LONP2: variants seen among roughly 807,000 people sequenced by gnomAD.
The protein encoded by LONP2 is lon peptidase 2, peroxisomal.
Under a neutral mutation model 85.6 loss-of-function variants are expected in LONP2, and 60 were observed. The observed-to-expected ratio is 0.70, with a 90% CI of 0.57 to 0.87. LONP2 has a LOEUF of 0.87. LONP2 is among the 40% of genes least tolerant of loss of function. The pLI is 0.00. For missense variants in LONP2, 860 were observed against 1,063.5 expected, an observed-to-expected ratio of 0.81 and a Z score of 2.66; for synonymous variants, 395 against 389.7, an observed-to-expected ratio of 1.01 and a Z score of -0.16.
chr16:48,271,324 G>C (rs562651754), intron 7 of LONP2, among the ~76,000 whole-genome samples: 1 of 152,150 alleles, frequency 6.6e-6, no homozygotes, highest in Admixed American at 6.5e-5. Flanking sequence ...TTTACATTTC[G>C]TGGTTTAAGG....
intron 2 of LONP2, among the ~76,000 whole-genome samples, chr16:48,253,497 T>C (rs758445982): frequency 1.3e-5 from 2 of 152,000 alleles, no homozygotes; most frequent in Non-Finnish European, 2.9e-5. Context: ...AATAGAAAAT[T>C]TGAATCTGTA....
At chr16:48,281,890 A>G (rs1180372983) in intron 8 of LONP2, among the ~76,000 whole-genome samples, 1 of 152,244 alleles carries the variant, frequency 6.6e-6, no homozygotes, top group Non-Finnish European at 1.5e-5. Context: ...AAAGAATGTC[A>G]GAAGAGAGGG....
intron 5 of LONP2, 53 bp from the exon 6 acceptor site, chr16:48,262,725 A>G (rs1373805741): frequency 1.7e-6 from 2 of 1,151,894 alleles, no homozygotes; most frequent in Non-Finnish European, 2.5e-6. Context: ...TTTTTCTGTT[A>G]TGGAATTTTT....
intron 11 of LONP2, among the ~76,000 whole-genome samples, chr16:48,315,380 A>G (rs1973120132): frequency 6.6e-6 from 1 of 152,180 alleles, no homozygotes; most frequent in South Asian, 2.1e-4. Context: ...ATGAGCAGAA[A>G]TGTATTGGTT....
chr16:48,339,286 C>T (rs920166890), intron 12 of LONP2, among the ~76,000 whole-genome samples: 4 of 152,064 alleles, frequency 2.6e-5, no homozygotes, highest in African/African-American at 9.7e-5. Flanking sequence ...AAAGAGGGGA[C>T]ATCAAAATGT....
downstream of LONP2, chr16:48,361,528 T>A: frequency 6.3e-7 from 1 of 1,586,258 alleles, no homozygotes; most frequent in South Asian, 1.1e-5. Context: ...GTGCCTTATT[T>A]TCTGTGAAAC....
chr16:48,276,809 TAAAAG>T (rs1273207596), intron 7 of LONP2, among the ~76,000 whole-genome samples: 3 of 152,186 alleles, frequency 2.0e-5, no homozygotes, highest in Admixed American at 6.5e-5. Context: ...CCTCTGAAAA[TAAAAG>T]AGATTGGAGT....
intron 8 of LONP2, among the ~76,000 whole-genome samples, chr16:48,286,387 C>T (rs939770832): frequency 5.3e-5 from 8 of 152,104 alleles, no homozygotes; most frequent in South Asian, 2.1e-4. Flanking sequence ...GTGATCTGCC[C>T]GCCTTGGCCT....
chr16:48,311,939 T>G (rs994858085), intron 11 of LONP2, among the ~76,000 whole-genome samples: 2 of 151,370 alleles, frequency 1.3e-5, no homozygotes, highest in African/African-American at 2.4e-5. Flanking sequence ...CCTGACAGCT[T>G]CTTCTTTTTT....
chr16:48,318,391 C>T (rs1205927565), intron 11 of LONP2, among the ~76,000 whole-genome samples: 3 of 152,030 alleles, frequency 2.0e-5, no homozygotes, highest in Non-Finnish European at 2.9e-5. Flanking sequence ...TGGTGGCACA[C>T]ACCTGTAGTC....
intron 7 of LONP2, among the ~76,000 whole-genome samples, chr16:48,275,674 G>A (rs1596935360): frequency 6.6e-6 from 1 of 152,082 alleles, no homozygotes; most frequent in South Asian, 2.1e-4. Flanking sequence ...ATTTTTAAGG[G>A]GCGTAATAGT....
At chr16:48,338,592 A>G (rs1807827773) in intron 12 of LONP2, among the ~76,000 whole-genome samples, 1 of 151,980 alleles carries the variant, frequency 6.6e-6, no homozygotes, top group Admixed American at 6.6e-5. Context: ...GAAAACTGAG[A>G]GCTCTTTTGA....
At chr16:48,331,767 T>C (rs1959462829) in intron 11 of LONP2, among the ~76,000 whole-genome samples, 1 of 152,176 alleles carries the variant, frequency 6.6e-6, no homozygotes, top group Non-Finnish European at 1.5e-5. Flanking sequence ...GGTTTCACTG[T>C]GTTAGCCAGG....
intron 1 of LONP2, among the ~76,000 whole-genome samples, chr16:48,247,155 A>G (rs182901403): frequency 2.4e-3 from 362 of 152,086 alleles, no homozygotes; most frequent in African/African-American, 8.4e-3. Context: ...ATTGTACCAT[A>G]TTCCTTGGTA....
Position 48,304,872 on chromosome 16 carries a change from A to AT in LONP2, c.1795+1572dup, listed in dbSNP as rs1972879718. Among the ~76,000 whole-genome samples, 5 of 152,280 alleles carry AT rather than the reference A, an allele frequency of 3.3e-5. No homozygotes were observed. In the South Asian group the frequency reaches 1.0e-3, roughly 32 times the overall value. ...CTTTCATAGTAAAGAGATTTATTAG[A>AT]TTTTTCTATCATTTCCATAGCTGTT... On this transcript the variant is annotated intron_variant, in intron 11 of 14. Coordinates refer to ENST00000285737, the MANE Select transcript of LONP2 (RefSeq NM_031490.5).
intron 12 of LONP2, among the ~76,000 whole-genome samples, chr16:48,335,043 G>T (rs984784177): frequency 1.8e-4 from 27 of 152,092 alleles, no homozygotes; most frequent in Non-Finnish European, 3.8e-4. Flanking sequence ...AATATGACTT[G>T]CCAGGAGCCA....
At chr16:48,248,349 CT>C (rs1434447972) in intron 1 of LONP2, among the ~76,000 whole-genome samples, 1 of 150,124 alleles carries the variant, frequency 6.7e-6, no homozygotes. Context: ...TGGTTTCGAA[CT>C]CCTGAGCCCA....
intron 6 of LONP2, among the ~76,000 whole-genome samples, chr16:48,268,720 G>A (rs1335028305): frequency 6.6e-6 from 1 of 152,100 alleles, no homozygotes. Context: ...AAAGGGGGAA[G>A]AAATTTTAGT....
downstream of LONP2, chr16:48,361,366 T>C (rs1053862903): frequency 1.9e-6 from 1 of 527,242 alleles, no homozygotes. Flanking sequence ...TATATACATA[T>C]ATTTTTTCAG....
Sources: allele counts gnomAD v4.1 joint callset (sites outside exome capture counted in the v4.1 genomes callset), GRCh38; gene constraint gnomAD v4.1.1; transcripts MANE v1.5; gene names NCBI Gene and HGNC (gene_info 2026-07-23, HGNC 2026-07-21).